Variants in MICAL2 observed in about 807,000 individuals in gnomAD.
MICAL2 encodes [F-actin]-monooxygenase MICAL2.
A neutral mutation model predicts 127.3 loss-of-function variants in MICAL2; 77 were observed. The ratio of observed to expected loss-of-function variants is 0.60; its 90% CI spans 0.50 to 0.73. The LOEUF (loss-of-function observed/expected upper bound fraction) is 0.73. Ranked by LOEUF, MICAL2 falls within the 30% of genes least tolerant of loss-of-function variation. The probability of loss-of-function intolerance (pLI) is 0.00; values close to 1 mark genes in which losing one functional copy is unlikely to be tolerated. For missense variants in MICAL2, 1,351 were observed against 1,434.4 expected, an observed-to-expected ratio of 0.94 and a Z score of 0.94; for synonymous variants, 570 against 551.1, an observed-to-expected ratio of 1.03 and a Z score of -0.48.
chr11:12,213,553 G>C, intron 7 of MICAL2, 143 bp downstream of exon 7: 1 of 755,518 alleles, frequency 1.3e-6, no homozygotes, highest in Non-Finnish European at 2.1e-6. Context: ...TTTTCCCTAG[G>C]ATAGTGAATA....
intron 33 of MICAL2, among the ~76,000 whole-genome samples, chr11:12,351,597 GAA>G (rs1007238682): frequency 4.4e-4 from 67 of 152,318 alleles, no homozygotes; most frequent in Admixed American, 1.6e-3. Context: ...GCCTGGGAGA[GAA>G]AGAGAGGAGT....
intron 32 of MICAL2, among the ~76,000 whole-genome samples, chr11:12,338,884 A>C (rs1938812740): frequency 6.6e-6 from 1 of 152,282 alleles, no homozygotes; most frequent in South Asian, 2.1e-4. Context: ...GGCTGCCCTT[A>C]ACATTTTTTC....
intron 3 of MICAL2, among the ~76,000 whole-genome samples, chr11:12,191,752 G>C (rs1193424193): frequency 6.7e-6 from 1 of 150,100 alleles, no homozygotes; most frequent in Non-Finnish European, 1.5e-5. Context: ...GGGCAACAGA[G>C]TGAGACCCTG....
chr11:12,182,639 A>G (rs1590220079), intron 3 of MICAL2, among the ~76,000 whole-genome samples: 1 of 152,200 alleles, frequency 6.6e-6, no homozygotes, highest in Non-Finnish European at 1.5e-5. Context: ...CTGTGATTCT[A>G]CGTTTTTCCT....
At chr11:12,306,660 C>CT (rs1041391281) in intron 29 of MICAL2, among the ~76,000 whole-genome samples, 36 of 152,178 alleles carry the variant, frequency 2.4e-4, no homozygotes, top group Non-Finnish European at 4.7e-4. Flanking sequence ...GATTTGTTTT[C>CT]TGTCTCAATA....
chr11:12,242,564 A>G, intron 19 of MICAL2, 107 bp from the exon 20 acceptor site: 1 of 1,427,386 alleles, frequency 7.0e-7, no homozygotes, highest in Non-Finnish European at 9.8e-7. Context: ...GTGTGTGGTG[A>G]GCAGGCAAGG....
chr11:12,231,765 T>C (rs1344472764), intron 15 of MICAL2, among the ~76,000 whole-genome samples: 4 of 152,194 alleles, frequency 2.6e-5, no homozygotes, highest in Non-Finnish European at 5.9e-5. Context: ...TGAAGAAGGC[T>C]TAGGGGAGTC....
intron 32 of MICAL2, among the ~76,000 whole-genome samples, chr11:12,329,965 A>G (rs1864397664): frequency 6.6e-6 from 1 of 152,040 alleles, no homozygotes; most frequent in Non-Finnish European, 1.5e-5. Flanking sequence ...AGCCAGACAG[A>G]AGATGGATTC....
chr11:12,250,600 C>G (rs1861411172), intron 22 of MICAL2, among the ~76,000 whole-genome samples: 1 of 152,080 alleles, frequency 6.6e-6, no homozygotes, highest in Admixed American at 6.5e-5. Flanking sequence ...AATTAATTTG[C>G]TGAAAAATAA....
At chr11:12,238,885 GA>G (rs1859478010) in intron 16 of MICAL2, among the ~76,000 whole-genome samples, 2 of 152,050 alleles carry the variant, frequency 1.3e-5, no homozygotes, top group South Asian at 2.1e-4. Context: ...TCTTTAAAAA[GA>G]TAGCAAAAAT....
downstream of MICAL2, chr11:12,358,839 A>G (rs1032194774): frequency 6.3e-6 from 1 of 158,354 alleles, no homozygotes; most frequent in Admixed American, 6.4e-5. Flanking sequence ...TACATACTTT[A>G]AGATTTTTGA....
At chr11:12,304,291 T>G (rs749635838) in intron 29 of MICAL2, among the ~76,000 whole-genome samples, 9 of 152,150 alleles carry the variant, frequency 5.9e-5, no homozygotes, top group Non-Finnish European at 1.3e-4. Context: ...GAAGGTTTAC[T>G]TTCTTCCATG....
In MICAL2 at chr11:12,123,943, C is replaced by T. The variant is rs372711946; in HGVS notation, c.-149+13217C>T. Among the ~76,000 whole-genome samples the T allele has an allele frequency of 6.2e-4, 94 of 152,262 alleles. 1 individual carries two copies. Among genetic ancestry groups the T allele is most frequent in the East Asian group, 1.5e-3 (8 of 5,170 alleles). ...AGAAGGGAGCTATCACCTCCAGTTC[C>T]GGACATTCTGCTTCTCTTAATGCAG... On this transcript the variant is annotated intron_variant, in intron 1 of 27. Coordinates refer to ENST00000683283, the MANE Select transcript of MICAL2 (RefSeq NM_001282663.2).
intron 32 of MICAL2, among the ~76,000 whole-genome samples, chr11:12,330,683 C>T (rs1234556089): frequency 2.6e-5 from 4 of 151,926 alleles, no homozygotes; most frequent in Admixed American, 2.6e-4. Flanking sequence ...TCTCCCGCCC[C>T]CGGGAAGGGT....
intron 1 of MICAL2, among the ~76,000 whole-genome samples, chr11:12,117,576 A>G (rs60225107): frequency 6.6e-6 from 1 of 152,354 alleles, no homozygotes; most frequent in African/African-American, 2.4e-5. Flanking sequence ...GGGAGACTGA[A>G]GAAGCAGCTC....
chr11:12,269,320 C>A (rs563915918), intron 24 of MICAL2, among the ~76,000 whole-genome samples: 27 of 152,310 alleles, frequency 1.8e-4, no homozygotes, highest in African/African-American at 6.5e-4. Flanking sequence ...GGTATGGGTC[C>A]TGGCTGTGCC....
chr11:12,224,670 C>G lies in MICAL2; in HGVS notation c.1541-3C>G. On this transcript the variant is annotated splice_polypyrimidine_tract_variant and splice_region_variant and intron_variant, in intron 12 of 27. Coordinates refer to ENST00000683283, the MANE Select transcript of MICAL2 (RefSeq NM_001282663.2). Reference sequence around the variant, plus strand: ...CTCACTGCCTGCGCTCTCCTTCTTGCAGAGTCAGATATCCGGCCCAGCAAG... The same window carrying G: ...CTCACTGCCTGCGCTCTCCTTCTTGGAGAGTCAGATATCCGGCCCAGCAAG... 6.2e-7 allele frequency: 1 copy of G among 1,613,412 alleles called. No individual in the cohort carries two copies. The highest frequency in any genetic ancestry group is 8.5e-7 in the Non-Finnish European group (1 of 1,179,432).
intron 29 of MICAL2, among the ~76,000 whole-genome samples, chr11:12,301,277 C>T (rs1157187946): frequency 6.6e-6 from 1 of 152,146 alleles, no homozygotes; most frequent in Non-Finnish European, 1.5e-5. Flanking sequence ...GGGTACACAG[C>T]CAAACCATAT....
At chr11:12,261,410 G>T in intron 26 of MICAL2, 2 of 985,490 alleles carry the variant, frequency 2.0e-6, no homozygotes, top group Non-Finnish European at 2.4e-6. Context: ...GAGCATGCAG[G>T]TCCACCTGTG....
Sources: allele counts gnomAD v4.1 joint callset (sites outside exome capture counted in the v4.1 genomes callset), GRCh38; gene constraint gnomAD v4.1.1; transcripts MANE v1.5; gene names NCBI Gene and HGNC (gene_info 2026-07-23, HGNC 2026-07-21).